OR5B2: variants seen among roughly 807,000 people sequenced by gnomAD.
OR5B2 encodes the protein olfactory receptor family 5 subfamily B member 2, also known as olfactory receptor 5B2.
For missense variants in OR5B2, 411 were observed against 367.0 expected, an observed-to-expected ratio of 1.12 and a Z score of -0.98; for synonymous variants, 163 against 140.8, an observed-to-expected ratio of 1.16 and a Z score of -1.11.
At position 58,422,078 on chromosome 11, in the gene OR5B2, A is replaced by C; in HGVS notation, c.*254T>G. The stretch of plus-strand genomic sequence containing the variant: ...AAAATGCAAGGGGAACAAGTGAGTA[A>C]ACCGAATGTCATTAGTAAGTTTTGA... On this transcript the variant is annotated 3_prime_UTR_variant, in exon 3 of 3. Transcript: ENST00000641342. 9.2e-6 allele frequency: 3 copies of C among 324,712 alleles called. No individual in the cohort carries two copies. Among genetic ancestry groups the C allele is most frequent in the East Asian group, 5.3e-5 (1 of 18,728 alleles). 20.1% of individuals were successfully genotyped at this position (324,712 alleles called of 1,614,324 possible). A position where few individuals can be genotyped will look rare whatever the true frequency, so the allele number is the denominator to read the frequency against.
intron 1 of OR5B2, among the ~76,000 whole-genome samples, chr11:58,427,457 G>A (rs1348664028): frequency 6.6e-6 from 1 of 152,140 alleles, no homozygotes; most frequent in East Asian, 1.9e-4. Context: ...TTCATATTGA[G>A]ATTATAGGTT....
intron 2 of OR5B2, among the ~76,000 whole-genome samples, chr11:58,426,161 G>GTTTTTTTTTT (rs1453122839): frequency 1.4e-5 from 2 of 143,916 alleles, no homozygotes; most frequent in African/African-American, 5.9e-5. Flanking sequence ...GTGTATAAGG[G>GTTTTTTTTTT]TTTTGTTTTT....
Position 58,422,094 on chromosome 11 carries a change from T to C in OR5B2, c.*238A>G, listed in dbSNP as rs1855280437. The C allele has an allele frequency of 5.4e-6, 2 of 371,974 alleles. No individual in the cohort carries two copies. Among genetic ancestry groups the C allele is most frequent in the Non-Finnish European group, 9.6e-6 (2 of 207,606 alleles). The allele number at this position is 371,974 out of a possible 1,614,324, so 23.0% of individuals were successfully genotyped here. ...AAGTGAGTAAACCGAATGTCATTAG[T>C]AAGTTTTGACCAGCAAGTTCCAAAA... On this transcript the variant is annotated 3_prime_UTR_variant, in exon 3 of 3. Coordinates refer to ENST00000641342, the MANE Select transcript of OR5B2 (RefSeq NM_001005566.3).
chr11:58,426,014 A>G lies in OR5B2; in HGVS notation c.-29+608T>C, dbSNP rs369965984. ...TCAGTAACACAGAACCATGTATTTT[A>G]TAATGTGCTCACTGATCATTTGCTG... On this transcript the variant is annotated intron_variant, in intron 2 of 2. Transcript: ENST00000641342. Among the ~76,000 whole-genome samples, 21 of 152,256 alleles carry G rather than the reference A, an allele frequency of 1.4e-4. No homozygotes were observed. In the East Asian group the frequency reaches 3.7e-3, roughly 27 times the overall value.
chr11:58,426,515 C>G (rs1258550546), intron 2 of OR5B2, 107 bp downstream of exon 2: 1 of 152,082 alleles, frequency 6.6e-6, no homozygotes, highest in East Asian at 1.9e-4. Context: ...AGCTGGGAAA[C>G]TGAACTCTGA....
At chr11:58,424,726 G>A (rs975884502) in intron 2 of OR5B2, among the ~76,000 whole-genome samples, 2 of 152,056 alleles carry the variant, frequency 1.3e-5, no homozygotes, top group Non-Finnish European at 2.9e-5. Context: ...CTATTCATCT[G>A]CTAACTACTA....
At chr11:58,427,459 T>C (rs1855351036) in intron 1 of OR5B2, among the ~76,000 whole-genome samples, 1 of 152,150 alleles carries the variant, frequency 6.6e-6, no homozygotes, top group Non-Finnish European at 1.5e-5. Context: ...CATATTGAGA[T>C]TATAGGTTGT....
chr11:58,425,916 A>G (rs1022159063), intron 2 of OR5B2, among the ~76,000 whole-genome samples: 1 of 152,104 alleles, frequency 6.6e-6, no homozygotes. Flanking sequence ...TGGACTCCTT[A>G]TTTTAAAAAA....
intron 2 of OR5B2, 149 bp from the exon 3 acceptor site, chr11:58,423,438 A>C: frequency 4.2e-6 from 2 of 474,236 alleles, no homozygotes. Flanking sequence ...ACAATCTTTA[A>C]TGCATTATCT....
intron 1 of OR5B2, among the ~76,000 whole-genome samples, chr11:58,427,635 G>A (rs1474453618): frequency 6.6e-6 from 1 of 152,086 alleles, no homozygotes; most frequent in African/African-American, 2.4e-5. Context: ...AAACATGATT[G>A]TTCAATATAA....
At chr11:58,424,451 G>A (rs1259170203) in intron 2 of OR5B2, among the ~76,000 whole-genome samples, 3 of 152,074 alleles carry the variant, frequency 2.0e-5, no homozygotes, top group African/African-American at 7.2e-5. Flanking sequence ...AGAATTCTAT[G>A]TGAACCATTC....
Position 58,423,089 on chromosome 11 carries a change from T to C in OR5B2, c.173A>G (p.Tyr58Cys). The C allele has an allele frequency of 6.2e-7, 1 of 1,613,626 alleles. No homozygotes were observed. Among genetic ancestry groups the C allele is most frequent in the Non-Finnish European group, 8.5e-7 (1 of 1,179,792 alleles). Residue 58 changes from tyrosine to cysteine, a missense_variant, in exon 3 of 3, where the codon TAC becomes TGC. By Grantham distance (194) the Tyr-to-Cys change is radical (BLOSUM62 -2). Transcript: ENST00000641342. ...CAGAGACAGGTTACTGAGGAAAAAG[T>C]ACATGGGGGTGTGGAGACAAGAGTC... ...LMDSCLHTPMYFFLSNLSLVD... is the reference protein window; with the variant it reads ...LMDSCLHTPMCFFLSNLSLVD...
At chr11:58,426,175 T>G (rs1336688417) in intron 2 of OR5B2, among the ~76,000 whole-genome samples, 1 of 151,984 alleles carries the variant, frequency 6.6e-6, no homozygotes, top group African/African-American at 2.4e-5. Context: ...TGTTTTTTGT[T>G]TTTTTGCTTT....
At chr11:58,424,153 G>A (rs1169021978) in intron 2 of OR5B2, among the ~76,000 whole-genome samples, 1 of 152,066 alleles carries the variant, frequency 6.6e-6, no homozygotes, top group East Asian at 1.9e-4. Context: ...TCAACCTCAA[G>A]GCATTATTTT....
chr11:58,427,425 A>G (rs972568567), intron 1 of OR5B2, among the ~76,000 whole-genome samples: 16 of 152,300 alleles, frequency 1.1e-4, no homozygotes, highest in African/African-American at 3.8e-4. Context: ...TCGTTGGCCG[A>G]TGGCAGCATA....
At position 58,423,064 on chromosome 11, in the gene OR5B2, C is replaced by A. The variant is rs770945853; in HGVS notation, c.198G>T (p.Leu66=). ...PMYFFLSNLS[L]VDFGYSSAVT... ...CAGCTGAGGAGTATCCAAAGTCCAC[C>A]AGAGACAGGTTACTGAGGAAAAAGT... The change falls in exon 3 of 3, where the codon CTG becomes CTT. Residue 66 remains leucine, a synonymous_variant. Transcript: ENST00000641342. 1 of 1,613,630 alleles carries A rather than the reference C, an allele frequency of 6.2e-7. No individual in the cohort carries two copies. The highest frequency in any genetic ancestry group is 8.5e-7 in the Non-Finnish European group (1 of 1,179,754).
Position 58,422,958 on chromosome 11 carries a change from A to G in OR5B2, c.304T>C (p.Phe102Leu). The G allele has an allele frequency of 6.2e-7, 1 of 1,613,874 alleles. No individual in the cohort carries two copies. The highest frequency in any genetic ancestry group is 8.5e-7 in the Non-Finnish European group (1 of 1,179,862). ...TTTTCCACCGTGGCCAAGGCTACAA[A>G]GAAGAACATCTGAACAGCACATGCA... Reference protein sequence around the residue: ...YNACAVQMFFFVALATVENYL... With the variant: ...YNACAVQMFFLVALATVENYL... Residue 102 changes from phenylalanine to leucine, a missense_variant, in exon 3 of 3, where the codon TTT (phenylalanine) becomes CTT (leucine). Transcript: ENST00000641342.
At position 58,422,882 on chromosome 11, in the gene OR5B2, G is replaced by A; in HGVS notation, c.380C>T (p.Pro127Leu). 1 of 1,613,808 alleles carries A rather than the reference G, an allele frequency of 6.2e-7. No individual in the cohort carries two copies. The highest frequency in any genetic ancestry group is 2.2e-5 in the East Asian group (1 of 44,854). Residue 127 changes from proline to leucine, a missense_variant, in exon 3 of 3, where the codon CCC becomes CTC. Physicochemically the swap from Pro to Leu is moderately conservative, Grantham distance 98. Transcript: ENST00000641342. ...CGTCATGGTGGTGGTGTAGTGTAGG[G>A]GTTTGCACACTGCTGCATAGCGGTC... Reference protein sequence around the residue: ...AYDRYAAVCKPLHYTTTMTAS... With the variant: ...AYDRYAAVCKLLHYTTTMTAS...
chr11:58,423,831 T>C (rs1171413417), intron 2 of OR5B2, among the ~76,000 whole-genome samples: 2 of 152,174 alleles, frequency 1.3e-5, no homozygotes, highest in African/African-American at 4.8e-5. Context: ...TGGTCTAAAT[T>C]GAATCTAAAT....
Sources: gnomAD v4.1 joint callset for allele counts (sites outside exome capture counted in the v4.1 genomes callset) on GRCh38, gnomAD v4.1.1 for gene constraint, MANE v1.5 for transcripts, NCBI Gene and HGNC (gene_info 2026-07-23, HGNC 2026-07-21) for gene names.